Variants in RANBP17 observed in about 807,000 individuals in gnomAD.
The protein encoded by RANBP17 is ran-binding protein 17.
In RANBP17, 158 loss-of-function variants were observed where a neutral mutation model predicts 141.2. That is an observed-to-expected ratio of 1.12 (90% CI 0.98 to 1.28). The LOEUF (loss-of-function observed/expected upper bound fraction) is 1.28. Ranked by LOEUF, RANBP17 falls within the 50% of genes most tolerant of loss-of-function variation. RANBP17 has a pLI of 0.00. For missense variants in RANBP17, 1,438 were observed against 1,290.7 expected (o/e 1.11, Z -1.75); for synonymous variants, 430 against 450.0 (o/e 0.96, Z 0.56).
At chr5:170,863,878 C>G (rs1006218685) in intron 1 of RANBP17, among the ~76,000 whole-genome samples, 1 of 152,126 alleles carries the variant, frequency 6.6e-6, no homozygotes. Flanking sequence ...CAGTACATTC[C>G]TGTAGACAGC....
chr5:171,285,052 C>CT (rs776137991), intron 25 of RANBP17, among the ~76,000 whole-genome samples: 1 of 152,196 alleles, frequency 6.6e-6, no homozygotes, highest in Non-Finnish European at 1.5e-5. Flanking sequence ...CTCAAAAGGT[C>CT]TTTTTCAAAA....
intron 22 of RANBP17, among the ~76,000 whole-genome samples, chr5:171,228,138 CATAG>C (rs1763990596): frequency 6.6e-6 from 1 of 152,164 alleles, no homozygotes; most frequent in Non-Finnish European, 1.5e-5. Context: ...CTGTAGCTGC[CATAG>C]ATAGTGATTC....
Position 170,919,537 on chromosome 5 carries a change from C to A in RANBP17, c.1198C>A (p.Leu400Ile). The A allele has an allele frequency of 6.2e-7, 1 of 1,611,726 alleles. No homozygotes were observed. The highest frequency in any genetic ancestry group is 1.7e-5 in the Admixed American group (1 of 59,504). Residue 400 changes from leucine to isoleucine, a missense_variant, in exon 11 of 28, where the codon CTA (leucine) becomes ATA (isoleucine). Physicochemically the swap from Leu to Ile is conservative, Grantham distance 5. Coordinates refer to ENST00000523189, the MANE Select transcript of RANBP17 (RefSeq NM_022897.5). ...TTTTGTGAAATCAACTGAACCCCAC[C>A]TATTAGACACTTATGCACCAGAAAT... The part of the protein sequence containing the change: ...VPFVKSTEPH[L>I]LDTYAPEITK...
At chr5:171,188,506 C>T (rs1761416612) in intron 18 of RANBP17, among the ~76,000 whole-genome samples, 1 of 152,188 alleles carries the variant, frequency 6.6e-6, no homozygotes. Context: ...CCCAGTTGTC[C>T]AAGCATTAAA....
intron 16 of RANBP17, among the ~76,000 whole-genome samples, chr5:171,178,885 A>G (rs571600982): frequency 6.6e-6 from 1 of 151,972 alleles, no homozygotes; most frequent in East Asian, 1.9e-4. Flanking sequence ...TTTTTCTTGT[A>G]AATTTGTTTA....
intron 14 of RANBP17, among the ~76,000 whole-genome samples, chr5:171,064,314 C>T (rs905159301): frequency 2.6e-5 from 4 of 152,144 alleles, no homozygotes; most frequent in African/African-American, 9.7e-5. Flanking sequence ...GGCTGCCAGT[C>T]CTAGAATGTA....
At chr5:171,102,264 C>G (rs1278347362) in intron 14 of RANBP17, among the ~76,000 whole-genome samples, 1 of 152,094 alleles carries the variant, frequency 6.6e-6, no homozygotes, top group Non-Finnish European at 1.5e-5. Flanking sequence ...CACATAGTCC[C>G]ATATTTCTTG....
intron 22 of RANBP17, among the ~76,000 whole-genome samples, chr5:171,236,398 T>A (rs1016715657): frequency 7.2e-5 from 11 of 152,236 alleles, no homozygotes; most frequent in Admixed American, 3.3e-4. Flanking sequence ...CTTTTCTAAG[T>A]ATTTTGAGGC....
intron 27 of RANBP17, among the ~76,000 whole-genome samples, chr5:171,296,905 T>G (rs1334904835): frequency 1.3e-5 from 2 of 152,182 alleles, no homozygotes; most frequent in Non-Finnish European, 2.9e-5. Context: ...AGAGTGAGAC[T>G]CTGTCTCAAA....
chr5:170,927,184 C>T (rs1331501111), intron 12 of RANBP17, among the ~76,000 whole-genome samples: 1 of 151,964 alleles, frequency 6.6e-6, no homozygotes, highest in African/African-American at 2.4e-5. Flanking sequence ...AAATGTTGCC[C>T]AGTTGTTTTC....
chr5:171,101,066 T>G (rs1035755470), intron 14 of RANBP17, among the ~76,000 whole-genome samples: 2 of 152,218 alleles, frequency 1.3e-5, no homozygotes, highest in African/African-American at 4.8e-5. Flanking sequence ...CTGAGAAGAA[T>G]GTATATTCTG....
chr5:170,965,033 A>G (rs949176977), intron 13 of RANBP17, among the ~76,000 whole-genome samples: 8 of 152,206 alleles, frequency 5.3e-5, no homozygotes, highest in South Asian at 2.1e-4. Context: ...AAGTGTTCCT[A>G]TTTCTCCACA....
chr5:170,912,013 T>A (rs140208751), intron 7 of RANBP17, among the ~76,000 whole-genome samples: 1 of 152,078 alleles, frequency 6.6e-6, no homozygotes, highest in East Asian at 1.9e-4. Flanking sequence ...GTGCTACTTC[T>A]TTACTTTCCA....
chr5:170,994,798 G>A (rs551312838), intron 14 of RANBP17, among the ~76,000 whole-genome samples: 1 of 152,080 alleles, frequency 6.6e-6, no homozygotes, highest in South Asian at 2.1e-4. Flanking sequence ...ACGAGTTTAA[G>A]CTCTCTTTTC....
At chr5:171,136,184 AT>A (rs907310621) in intron 14 of RANBP17, among the ~76,000 whole-genome samples, 22 of 152,242 alleles carry the variant, frequency 1.4e-4, no homozygotes, top group African/African-American at 4.8e-4. Flanking sequence ...TCAAAATAAC[AT>A]TTTTTTCCTT....
chr5:171,122,118 T>A (rs1756083164), intron 14 of RANBP17, among the ~76,000 whole-genome samples: 1 of 152,176 alleles, frequency 6.6e-6, no homozygotes, highest in African/African-American at 2.4e-5. Flanking sequence ...TCTACGCAGA[T>A]CCAGTCCACA....
At chr5:171,209,090 G>A (rs547537198) in intron 20 of RANBP17, among the ~76,000 whole-genome samples, 3 of 152,258 alleles carry the variant, frequency 2.0e-5, no homozygotes, top group East Asian at 3.9e-4. Context: ...ATACAAACAG[G>A]ACAGTGAGTG....
chr5:170,894,795 C>T (rs76053125), intron 4 of RANBP17, among the ~76,000 whole-genome samples: 4 of 152,020 alleles, frequency 2.6e-5, no homozygotes, highest in South Asian at 4.2e-4. Context: ...TTCAAATTAC[C>T]GGTCTTCAGC....
intron 14 of RANBP17, among the ~76,000 whole-genome samples, chr5:171,018,836 G>A (rs191099456): frequency 1.3e-5 from 2 of 152,240 alleles, no homozygotes; most frequent in African/African-American, 4.8e-5. Flanking sequence ...TCTTGTGCCA[G>A]TCTTCAAAGG....
Sources: gnomAD v4.1 joint callset for allele counts (sites outside exome capture counted in the v4.1 genomes callset) on GRCh38, gnomAD v4.1.1 for gene constraint, MANE v1.5 for transcripts, NCBI Gene and HGNC (gene_info 2026-07-23, HGNC 2026-07-21) for gene names.